Variants in CACNG2 observed in about 807,000 individuals in gnomAD.
CACNG2 encodes the protein calcium voltage-gated channel auxiliary subunit gamma 2.
In CACNG2, 3 loss-of-function variants were observed where a neutral mutation model predicts 25.9. The observed-to-expected ratio is 0.12, with a 90% CI of 0.05 to 0.30. The LOEUF is 0.30. Ranked by LOEUF, CACNG2 falls within the 10% of genes least tolerant of loss-of-function variation. The probability of loss-of-function intolerance (pLI) is 1.00; values close to 1 mark genes in which losing one functional copy is unlikely to be tolerated. For missense variants in CACNG2, 341 were observed against 432.5 expected, an observed-to-expected ratio of 0.79 and a Z score of 1.88; for synonymous variants, 167 against 173.3, an observed-to-expected ratio of 0.96 and a Z score of 0.29.
chr22:36,671,365 C>T (rs1410618399), intron 1 of CACNG2, among the ~76,000 whole-genome samples: 1 of 152,182 alleles, frequency 6.6e-6, no homozygotes, highest in Non-Finnish European at 1.5e-5. Flanking sequence ...ACTCTGTACT[C>T]CCCTTGGATT....
rs131828 is a variant in CACNG2, at chr22:36,631,737, C to CTTT, written c.212-44192_212-44190dup. 3.1e-3 allele frequency among the ~76,000 whole-genome samples: 357 copies of CTTT among 115,394 alleles called. 3 individuals carry two copies. The highest frequency in any genetic ancestry group is 9.5e-3 in the African/African-American group (337 of 35,380). 75.7% of individuals were successfully genotyped at this position (115,394 alleles called of 152,430 possible). A position where few individuals can be genotyped will look rare whatever the true frequency, so the allele number is the denominator to read the frequency against. On this transcript the variant is annotated intron_variant, in intron 1 of 3. Transcript: ENST00000300105. ...GAACTGCCCGGTTATGTGAGCAACT[C>CTTT]TTTTTTTTTTTTTTTTTACTGTGAA...
intron 1 of CACNG2, among the ~76,000 whole-genome samples, chr22:36,597,932 G>C (rs1331130004): frequency 6.6e-6 from 1 of 152,228 alleles, no homozygotes; most frequent in Non-Finnish European, 1.5e-5. Flanking sequence ...TGGGAACAAA[G>C]AGCTGCAAGT....
intron 1 of CACNG2, among the ~76,000 whole-genome samples, chr22:36,642,940 T>A (rs1936461539): frequency 6.6e-6 from 1 of 152,286 alleles, no homozygotes; most frequent in South Asian, 2.1e-4. Context: ...AAGCAAGCCA[T>A]GAAACAGTTG....
intron 1 of CACNG2, among the ~76,000 whole-genome samples, chr22:36,701,666 T>G (rs1017349488): frequency 6.6e-6 from 1 of 152,200 alleles, no homozygotes; most frequent in African/African-American, 2.4e-5. Flanking sequence ...GAATTGCTGT[T>G]TATTAGAACT....
At chr22:36,693,560 T>G (rs1937294347) in intron 1 of CACNG2, among the ~76,000 whole-genome samples, 1 of 152,196 alleles carries the variant, frequency 6.6e-6, no homozygotes, top group Admixed American at 6.5e-5. Flanking sequence ...GCTTCCTACC[T>G]TTCTGGGCTT....
intron 1 of CACNG2, among the ~76,000 whole-genome samples, chr22:36,681,737 A>T (rs1937127315): frequency 6.6e-6 from 1 of 152,146 alleles, no homozygotes; most frequent in Non-Finnish European, 1.5e-5. Flanking sequence ...CTGAAAAAGA[A>T]ATCACTTGAC....
chr22:36,594,691 CTGTG>C (rs781446425), intron 1 of CACNG2, among the ~76,000 whole-genome samples: 1 of 151,150 alleles, frequency 6.6e-6, no homozygotes, highest in Non-Finnish European at 1.5e-5. Context: ...GCGTGTGTGT[CTGTG>C]TGTGTGTCTG....
At chr22:36,571,465 AG>A (rs1259264712) in intron 2 of CACNG2, among the ~76,000 whole-genome samples, 1 of 151,816 alleles carries the variant, frequency 6.6e-6, no homozygotes, top group Non-Finnish European at 1.5e-5. Context: ...TCAGAAAAAA[AG>A]AAAAAAGAAA....
intron 1 of CACNG2, among the ~76,000 whole-genome samples, chr22:36,667,341 C>T (rs183386504): frequency 5.0e-4 from 76 of 152,318 alleles, no homozygotes; most frequent in African/African-American, 1.8e-3. Context: ...TTCTTTTGCG[C>T]TGCACTGAGC....
In CACNG2 at chr22:36,584,174, G is replaced by A. The variant is rs528347189; in HGVS notation, c.295+3291C>T. 7.9e-5 allele frequency among the ~76,000 whole-genome samples: 12 copies of A among 152,234 alleles called. No individual in the cohort carries two copies. In the South Asian group the frequency reaches 1.7e-3, roughly 21 times the overall value. ...CTCAGAAACTATCTCAGCTGGGGCC[G>A]GGCGTGGTGGCTCACGCCTGTAATC... On this transcript the variant is annotated intron_variant, in intron 2 of 3. Transcript: ENST00000300105.
chr22:36,676,396 C>T (rs897509433), intron 1 of CACNG2, among the ~76,000 whole-genome samples: 8 of 152,170 alleles, frequency 5.3e-5, no homozygotes, highest in South Asian at 2.1e-4. Context: ...TGACTACCAT[C>T]GATGGCGTAC....
chr22:36,678,472 A>G (rs905715249), intron 1 of CACNG2, among the ~76,000 whole-genome samples: 1 of 151,836 alleles, frequency 6.6e-6, no homozygotes, highest in African/African-American at 2.4e-5. Context: ...CTCTCTCTAC[A>G]CACATTCACA....
chr22:36,666,500 T>C (rs1936876512), intron 1 of CACNG2, among the ~76,000 whole-genome samples: 1 of 152,018 alleles, frequency 6.6e-6, no homozygotes, highest in Non-Finnish European at 1.5e-5. Flanking sequence ...TGCAGAAGCA[T>C]GGTTGCCAGG....
intron 1 of CACNG2, among the ~76,000 whole-genome samples, chr22:36,653,911 A>T (rs1936661478): frequency 8.2e-6 from 1 of 122,078 alleles, no homozygotes; most frequent in Admixed American, 8.8e-5. Context: ...AACATGACAG[A>T]CGTTAGATTT....
chr22:36,572,712 C>CA (rs1005967863), intron 2 of CACNG2, among the ~76,000 whole-genome samples: 1,193 of 111,760 alleles, frequency 0.011, 10 homozygotes, highest in African/African-American at 0.027. Flanking sequence ...GACTCCATCT[C>CA]AAAAAAAAAA....
At chr22:36,612,079 C>G (rs754200400) in intron 1 of CACNG2, among the ~76,000 whole-genome samples, 10 of 152,170 alleles carry the variant, frequency 6.6e-5, no homozygotes, top group Admixed American at 1.3e-4. Context: ...AATCCAAGTT[C>G]AAGTATCAGT....
intron 1 of CACNG2, among the ~76,000 whole-genome samples, chr22:36,690,199 G>A (rs774168982): frequency 6.6e-6 from 1 of 152,206 alleles, no homozygotes; most frequent in African/African-American, 2.4e-5. Context: ...GGCCACGCAC[G>A]GTGGAGCGGA....
At chr22:36,664,727 G>A (rs991200289) in intron 1 of CACNG2, among the ~76,000 whole-genome samples, 4 of 152,228 alleles carry the variant, frequency 2.6e-5, no homozygotes, top group East Asian at 1.9e-4. Context: ...ATAAGGCATC[G>A]TCTAATTCGA....
rs569250159 is a variant in CACNG2, at chr22:36,675,639, C to T, written c.211+26727G>A. On this transcript the variant is annotated intron_variant, in intron 1 of 3. Transcript: ENST00000300105. ...TTTCCAATGTCACCCCACCAGGGGACGGCATGGTCTGTCCTGGCAGTGTCA... is the reference window on the plus strand; with the variant it reads ...TTTCCAATGTCACCCCACCAGGGGATGGCATGGTCTGTCCTGGCAGTGTCA... Among the ~76,000 whole-genome samples, 13 of 152,336 alleles carry T rather than the reference C, an allele frequency of 8.5e-5. No individual in the cohort carries two copies. The South Asian group carries it at 1.0e-3, about 12-fold the overall frequency.
Sources: allele counts gnomAD v4.1 joint callset (sites outside exome capture counted in the v4.1 genomes callset), GRCh38; gene constraint gnomAD v4.1.1; transcripts MANE v1.5; gene names NCBI Gene and HGNC (gene_info 2026-07-23, HGNC 2026-07-21).